Variants in SREK1 observed in about 807,000 individuals in gnomAD.
The protein encoded by SREK1 is splicing regulatory glutamic acid and lysine rich protein 1.
SREK1 carries 13 observed loss-of-function variants against 66.5 expected under a neutral mutation model. That is an observed-to-expected ratio of 0.20 (90% CI 0.13 to 0.31). SREK1 has a LOEUF of 0.31. SREK1 is among the 10% of genes least tolerant of loss of function. The pLI is 1.00. For synonymous variants in SREK1, 265 were observed against 263.5 expected (o/e 1.01, Z -0.05); for missense variants, 607 against 769.6 (o/e 0.79, Z 2.50).
At chr5:66,168,885 A>G (rs1745387490) in intron 7 of SREK1, 1 of 152,208 alleles carries the variant, frequency 6.6e-6, no homozygotes. Flanking sequence ...GTGCTAGAGA[A>G]TACTACGCAG....
intron 1 of SREK1, among the ~76,000 whole-genome samples, chr5:66,147,657 T>C (rs1177710733): frequency 6.6e-6 from 1 of 152,210 alleles, no homozygotes; most frequent in African/African-American, 2.4e-5. Context: ...TGTCAACTAC[T>C]TAAGTTTATT....
At chr5:66,178,616 C>A (rs1746260309) in intron 11 of SREK1, 103 bp from the exon 12 acceptor site, 2 of 1,113,344 alleles carry the variant, frequency 1.8e-6, no homozygotes, top group Non-Finnish European at 2.5e-6. Flanking sequence ...AAAATCATAC[C>A]CAGTTTTTTA....
At chr5:66,171,025 A>G (rs1189270403) in intron 9 of SREK1, 78 bp downstream of exon 9, 1 of 1,512,132 alleles carries the variant, frequency 6.6e-7, no homozygotes, top group East Asian at 2.3e-5. Context: ...GAGGGAGAAA[A>G]GGTTACTGTA....
At chr5:66,163,625 T>A (rs958619975) in intron 5 of SREK1, 167 bp from the exon 6 acceptor site, 2 of 569,896 alleles carry the variant, frequency 3.5e-6, no homozygotes, top group Non-Finnish European at 5.6e-6. Flanking sequence ...GAAGTGGGGA[T>A]GAGAGATTAA....
At chr5:66,150,084 T>G (rs1374368463) in intron 1 of SREK1, among the ~76,000 whole-genome samples, 2 of 152,238 alleles carry the variant, frequency 1.3e-5, no homozygotes, top group African/African-American at 4.8e-5. Context: ...AGAACCTGAT[T>G]GATTGATCTA....
intron 2 of SREK1, chr5:66,156,013 C>T: frequency 1.3e-6 from 2 of 1,532,854 alleles, no homozygotes; most frequent in East Asian, 2.5e-5. Flanking sequence ...TGGATTTTGA[C>T]TATTAATTTG....
At chr5:66,170,302 C>CT (rs1050516503) in intron 8 of SREK1, 132 bp downstream of exon 8, 21 of 1,228,474 alleles carry the variant, frequency 1.7e-5, no homozygotes, top group African/African-American at 1.7e-4. Context: ...GAAATTAAAC[C>CT]TTTTTTATTG....
intron 2 of SREK1, chr5:66,158,738 T>G (rs1744496695): frequency 8.3e-7 from 1 of 1,205,770 alleles, no homozygotes; most frequent in Admixed American, 3.1e-5. Flanking sequence ...ATTTGGTTAT[T>G]TGCCATTTCT....
rs140443528 is a variant in SREK1 at position 66,153,137 on chromosome 5, T to G, written c.162-326T>G. On this transcript the variant is annotated intron_variant, in intron 1 of 11. Transcript: ENST00000334121. ...TTTGGAGCTTTTATAAAGGGATTTTTGCTTACATATGATACACTTTTTGAG... is the reference window on the plus strand; with the variant it reads ...TTTGGAGCTTTTATAAAGGGATTTTGGCTTACATATGATACACTTTTTGAG... Among the ~76,000 whole-genome samples the G allele has an allele frequency of 1.1e-4, 16 of 152,334 alleles. 2 individuals are homozygous for G. The highest frequency in any genetic ancestry group is 9.8e-4 in the Admixed American group (15 of 15,308).
chr5:66,163,710 A>C, intron 5 of SREK1, 82 bp from the exon 6 acceptor site: 1 of 1,417,880 alleles, frequency 7.1e-7, no homozygotes, highest in Non-Finnish European at 9.5e-7. Context: ...CACGTTTATA[A>C]ATATGTGTAT....
rs747790694 is a variant in SREK1, at chr5:66,170,695, G to C, written c.1232G>C (p.Arg411Pro). ...REKEREKEKE[R>P]GKNKDRDKER... ...AAGGAACGTGAAAAAGAAAAGGAAC[G>C]GGGTAAAAACAAAGACCGGGACAAG... Residue 411 changes from arginine (R) to proline (P), a missense_variant, in exon 9 of 12, where the codon CGG becomes CCG. This residue lies in a region of SREK1 where 318 missense variants were observed against 310.3 expected (regional missense o/e 1.02). Coordinates refer to ENST00000334121, the MANE Select transcript of SREK1 (RefSeq NM_001077199.3). 2.1e-5 allele frequency: 33 copies of C among 1,609,528 alleles called. No individual in the cohort carries two copies. Among genetic ancestry groups the C allele is most frequent in the Non-Finnish European group, 2.8e-5 (33 of 1,177,774 alleles).
Position 66,162,058 on chromosome 5 carries a change from G to T in SREK1, c.412-51G>T, listed in dbSNP as rs555774034. Reference sequence around the variant, plus strand: ...TCAAGATTAGAGAATGGTATCTTTGGATACTAATAGAAAATATGTGTTCTG... The same window carrying T: ...TCAAGATTAGAGAATGGTATCTTTGTATACTAATAGAAAATATGTGTTCTG... On this transcript the variant is annotated intron_variant, in intron 3 of 11. Transcript: ENST00000334121. The T allele has an allele frequency of 5.7e-6, 9 of 1,567,522 alleles. No homozygotes were observed. The East Asian group carries it at 1.8e-4, about 31-fold the overall frequency.
chr5:66,178,340 G>A (rs556661330), intron 11 of SREK1, among the ~76,000 whole-genome samples: 19 of 152,120 alleles, frequency 1.2e-4, no homozygotes, highest in African/African-American at 4.3e-4. Context: ...AGGAGGCATA[G>A]TGACTTCCTT....
Position 66,183,539 on chromosome 5 carries a change from GGTAC to G in SREK1, c.*4672_*4675del, listed in dbSNP as rs1404864926. On this transcript the variant is annotated 3_prime_UTR_variant, in exon 12 of 12. Transcript: ENST00000334121. ...TTTGTGAGTAGGACTACTTTTAAAT[GGTAC>G]TAGTAAAGATTTATCAAACAATGCT... The G allele has an allele frequency of 2.6e-5, 4 of 152,102 alleles. No homozygotes were observed. The highest frequency in any genetic ancestry group is 4.4e-5 in the Non-Finnish European group (3 of 68,018). The allele number at this position is 152,102 out of a possible 1,614,324, so 9.4% of individuals were successfully genotyped here.
At chr5:66,164,186 T>C in intron 6 of SREK1, 1 of 363,394 alleles carries the variant, frequency 2.8e-6, no homozygotes, top group East Asian at 5.5e-5. Context: ...ACAAGTGATT[T>C]GCTGAAAGCA....
intron 9 of SREK1, among the ~76,000 whole-genome samples, chr5:66,173,275 A>G (rs554915898): frequency 6.6e-6 from 1 of 152,316 alleles, no homozygotes; most frequent in South Asian, 2.1e-4. Context: ...TTATACTTTT[A>G]AAGAAAATGA....
chr5:66,160,667 T>G (rs1391159541), intron 3 of SREK1, among the ~76,000 whole-genome samples: 1 of 152,220 alleles, frequency 6.6e-6, no homozygotes, highest in African/African-American at 2.4e-5. Context: ...TGATTTGACA[T>G]GTTTTAAAAA....
At chr5:66,159,011 A>C in intron 2 of SREK1, 2 of 1,404,558 alleles carry the variant, frequency 1.4e-6, no homozygotes, top group South Asian at 2.8e-5. Flanking sequence ...TGAGATTGTT[A>C]ATATTTGAAG....
intron 2 of SREK1, chr5:66,153,848 C>T (rs1744057371): frequency 4.9e-6 from 2 of 409,004 alleles, no homozygotes; most frequent in East Asian, 4.8e-5. Context: ...AGTCAATTTG[C>T]AGATTGCAAA....
Sources: gnomAD v4.1 joint callset for allele counts (sites outside exome capture counted in the v4.1 genomes callset) on GRCh38, gnomAD v4.1.1 for gene constraint, gnomAD v4.1.1 regional missense constraint, MANE v1.5 for transcripts, NCBI Gene and HGNC (gene_info 2026-07-23, HGNC 2026-07-21) for gene names.